Variants in PEX5L observed in about 807,000 individuals in gnomAD.
PEX5L encodes the protein peroxisomal biogenesis factor 5 like.
Under a neutral mutation model 84.0 loss-of-function variants are expected in PEX5L, and 30 were observed. The observed-to-expected ratio is 0.36, with a 90% CI of 0.27 to 0.48. The LOEUF is 0.48. Among genes scored for constraint, PEX5L ranks in the 20% least tolerant of loss-of-function variants. PEX5L has a pLI of 0.99. For synonymous variants in PEX5L, 270 were observed against 283.1 expected (o/e 0.95, Z 0.46); for missense variants, 533 against 754.6 (o/e 0.71, Z 3.44).
intron 1 of PEX5L, among the ~76,000 whole-genome samples, chr3:180,027,114 G>A (rs1011245890): frequency 6.6e-6 from 1 of 151,412 alleles, no homozygotes; most frequent in Non-Finnish European, 1.5e-5. Context: ...GGTTTCTGTG[G>A]GCAGCAGCAG....
rs1721903756 is a variant in PEX5L at position 179,807,681 on chromosome 3, C to T, written c.1669G>A (p.Ala557Thr). 1.2e-6 allele frequency: 2 copies of T among 1,613,694 alleles called. No individual in the cohort carries two copies. The highest frequency in any genetic ancestry group is 1.7e-6 in the Non-Finnish European group (2 of 1,179,824). Residue 557 changes from alanine (A) to threonine (T), a missense_variant, in exon 14 of 15, where the codon GCC becomes ACC. Physicochemically the swap from Ala to Thr is moderately conservative, Grantham distance 58. This residue lies in a region of PEX5L where 105 missense variants were observed against 204.6 expected (regional missense o/e 0.51). Transcript: ENST00000467460. Reference sequence around the variant, plus strand: ...CCTGTTGCTGTACTTCACCTGTAGGCGCCCAGGTTGATGCAGCTTATTCCT... The same window carrying T: ...CCTGTTGCTGTACTTCACCTGTAGGTGCCCAGGTTGATGCAGCTTATTCCT... ...NLGISCINLG[A>T]YREAVSNFLT...
intron 2 of PEX5L, among the ~76,000 whole-genome samples, chr3:179,919,862 T>C (rs949139399): frequency 6.6e-6 from 1 of 152,064 alleles, no homozygotes; most frequent in South Asian, 2.1e-4. Context: ...GCCACCATGC[T>C]CAGCTAATTT....
chr3:179,999,517 G>A (rs1448439770), intron 1 of PEX5L, among the ~76,000 whole-genome samples: 4 of 152,216 alleles, frequency 2.6e-5, no homozygotes, highest in East Asian at 3.9e-4. Flanking sequence ...CCAACACTGA[G>A]CTCTCAATAT....
intron 10 of PEX5L, among the ~76,000 whole-genome samples, chr3:179,815,430 C>G (rs1237122122): frequency 6.6e-6 from 1 of 152,158 alleles, no homozygotes; most frequent in Non-Finnish European, 1.5e-5. Flanking sequence ...ACTAGAAATA[C>G]AAAAATTAGC....
chr3:180,003,510 C>A (rs141368182), intron 1 of PEX5L, among the ~76,000 whole-genome samples: 1 of 151,976 alleles, frequency 6.6e-6, no homozygotes, highest in East Asian at 1.9e-4. Flanking sequence ...AATAAAATGC[C>A]ACAAACATAT....
intron 8 of PEX5L, 65 bp from the exon 9 acceptor site, chr3:179,820,041 T>C (rs1727850716): frequency 1.2e-6 from 2 of 1,606,240 alleles, no homozygotes; most frequent in South Asian, 1.1e-5. Flanking sequence ...GTGTTTTTCT[T>C]CCCCCCCTAA....
intron 12 of PEX5L, 64 bp from the exon 13 acceptor site, chr3:179,808,501 T>A: frequency 8.4e-7 from 1 of 1,195,762 alleles, no homozygotes; most frequent in Non-Finnish European, 1.1e-6. Flanking sequence ...GATTTACTGT[T>A]AAATCCCTTG....
At chr3:180,011,488 A>G (rs1264044537) in intron 1 of PEX5L, among the ~76,000 whole-genome samples, 3 of 152,218 alleles carry the variant, frequency 2.0e-5, no homozygotes, top group Non-Finnish European at 2.9e-5. Context: ...TTACTAAGAT[A>G]CTTGATCATT....
In PEX5L at chr3:179,955,730, T is replaced by C. The variant is rs559465284; in HGVS notation, c.93+15864A>G. 2.6e-5 allele frequency among the ~76,000 whole-genome samples: 4 copies of C among 152,268 alleles called. No individual in the cohort carries two copies. The South Asian group carries it at 8.3e-4, about 32-fold the overall frequency. On this transcript the variant is annotated intron_variant, in intron 2 of 14. Coordinates refer to ENST00000467460, the MANE Select transcript of PEX5L (RefSeq NM_016559.3). ...TTTAGAACTACGTATTATAATATAA[T>C]CTTTTGGGGCAGTTGAAAAACATAA...
intron 4 of PEX5L, among the ~76,000 whole-genome samples, chr3:179,882,684 C>T (rs1158408033): frequency 6.6e-6 from 1 of 152,220 alleles, no homozygotes; most frequent in Non-Finnish European, 1.5e-5. Flanking sequence ...CACACAAAGA[C>T]AGCCCTGGTA....
At chr3:179,823,622 A>G (rs1037365925) in intron 8 of PEX5L, among the ~76,000 whole-genome samples, 7 of 152,176 alleles carry the variant, frequency 4.6e-5, no homozygotes, top group Non-Finnish European at 1.0e-4. Flanking sequence ...CTTCTTTTCA[A>G]TTTCAGTTTC....
intron 5 of PEX5L, among the ~76,000 whole-genome samples, chr3:179,878,923 A>G (rs1753296808): frequency 6.6e-6 from 1 of 152,234 alleles, no homozygotes; most frequent in Non-Finnish European, 1.5e-5. Flanking sequence ...CCTAGCACAT[A>G]GTTTGTGCTG....
chr3:180,036,629 G>A lies in PEX5L; in HGVS notation c.-30C>T, dbSNP rs771622192. On this transcript the variant is annotated 5_prime_UTR_variant, in exon 1 of 15. Coordinates refer to ENST00000467460, the MANE Select transcript of PEX5L (RefSeq NM_016559.3). ...CTTCGGTTTCTTCAGGGCTCCCTGA[G>A]GCCACCGGATGCTTTTCCCCCGTGC... 1.2e-6 allele frequency: 2 copies of A among 1,613,012 alleles called. No individual in the cohort carries two copies. Among genetic ancestry groups the A allele is most frequent in the Admixed American group, 3.3e-5 (2 of 60,030 alleles).
At position 179,859,044 on chromosome 3, in the gene PEX5L, A is replaced by G; in HGVS notation, c.822+18T>C. 6.4e-7 allele frequency: 1 copy of G among 1,564,290 alleles called. No homozygotes were observed. ...TCAGGAGCATGAAACAGAAAAAACT[A>G]ATTTGAAGAAAAGTTACCTCCACTG... On this transcript the variant is annotated intron_variant, in intron 8 of 14. Coordinates refer to ENST00000467460, the MANE Select transcript of PEX5L (RefSeq NM_016559.3).
intron 3 of PEX5L, among the ~76,000 whole-genome samples, chr3:179,890,966 A>C (rs1359958118): frequency 6.7e-6 from 1 of 149,750 alleles, no homozygotes; most frequent in Non-Finnish European, 1.5e-5. Context: ...AAGGTAAAAA[A>C]ATTTTTTTTT....
At chr3:179,930,447 T>G (rs1772751537) in intron 2 of PEX5L, among the ~76,000 whole-genome samples, 4 of 152,238 alleles carry the variant, frequency 2.6e-5, no homozygotes, top group South Asian at 4.1e-4. Flanking sequence ...TCTGCCCACA[T>G]GCTGGAATCC....
At chr3:179,900,841 A>G (rs1761064615) in intron 2 of PEX5L, 4 of 711,066 alleles carry the variant, frequency 5.6e-6, no homozygotes, top group African/African-American at 1.8e-5. Context: ...ACTGTTTTAC[A>G]AGTGCGGTAC....
At chr3:179,828,112 C>G (rs1731232811) in intron 8 of PEX5L, among the ~76,000 whole-genome samples, 1 of 152,156 alleles carries the variant, frequency 6.6e-6, no homozygotes, top group African/African-American at 2.4e-5. Context: ...AGAATCCCCC[C>G]AACCCCTGAT....
chr3:179,929,966 G>C (rs951513118), intron 2 of PEX5L, among the ~76,000 whole-genome samples: 1 of 152,108 alleles, frequency 6.6e-6, no homozygotes, highest in Admixed American at 6.5e-5. Flanking sequence ...TGAAAACAAG[G>C]TTTTTATGTC....
Sources: allele counts gnomAD v4.1 joint callset (sites outside exome capture counted in the v4.1 genomes callset), GRCh38; gene constraint gnomAD v4.1.1; regional missense constraint gnomAD v4.1.1; transcripts MANE v1.5; gene names NCBI Gene and HGNC (gene_info 2026-07-23, HGNC 2026-07-21).